The following TCF12 variants were observed in gnomAD, a reference collection of about 807,000 sequenced individuals.
The protein encoded by TCF12 is transcription factor 12.
In TCF12, 45 loss-of-function variants were observed where a neutral mutation model predicts 86.0. The observed-to-expected ratio is 0.52, with a 90% confidence interval of 0.41 to 0.67. TCF12 has a LOEUF of 0.67. Ranked by LOEUF, TCF12 falls within the 30% of genes least tolerant of loss-of-function variation. TCF12 has a pLI of 0.00. For missense variants in TCF12, 881 were observed against 859.9 expected (o/e 1.02, Z -0.31); for synonymous variants, 330 against 299.6 (o/e 1.10, Z -1.05).
chr15:57,284,473 G>T (rs2061846807), intron 20 of TCF12, among the ~76,000 whole-genome samples: 1 of 152,198 alleles, frequency 6.6e-6, no homozygotes, highest in South Asian at 2.1e-4. Flanking sequence ...GCTTCCCCAA[G>T]TGCTGGCGTT....
intron 3 of TCF12, among the ~76,000 whole-genome samples, chr15:57,006,360 A>G (rs1167813916): frequency 6.6e-6 from 1 of 151,954 alleles, no homozygotes. Context: ...GCTGGAGTCC[A>G]GTGGTGCTAT....
chr15:57,060,568 C>G (rs543220566), intron 3 of TCF12, among the ~76,000 whole-genome samples: 2 of 152,330 alleles, frequency 1.3e-5, no homozygotes, highest in Non-Finnish European at 2.9e-5. Context: ...TCTCTTACAT[C>G]TGCCATTTTG....
upstream of TCF12, chr15:56,918,211 G>C (rs1467633891): frequency 2.2e-6 from 1 of 456,298 alleles, no homozygotes; most frequent in Non-Finnish European, 4.4e-6. Flanking sequence ...ACCTACTCGG[G>C]AATGGCAGCC....
rs2057346997 is a variant in TCF12 at position 57,197,835 on chromosome 15, T to C, written c.579+10T>C. ...TGGTTTGCCTTCTTCTGTAAGTACC[T>C]ATCTTTTTTTAACTTGATGGTAAAC... On this transcript the variant is annotated intron_variant, in intron 8 of 20. Transcript: ENST00000333725. The C allele has an allele frequency of 1.2e-6, 2 of 1,613,176 alleles. No homozygotes were observed. The highest frequency in any genetic ancestry group is 8.5e-7 in the Non-Finnish European group (1 of 1,179,678).
At chr15:57,192,515 A>C (rs2057038087) in intron 7 of TCF12, among the ~76,000 whole-genome samples, 1 of 152,086 alleles carries the variant, frequency 6.6e-6, no homozygotes, top group African/African-American at 2.4e-5. Context: ...CAGCCTCGCA[A>C]GTAGCTGAGA....
intron 3 of TCF12, among the ~76,000 whole-genome samples, chr15:56,988,281 A>G (rs1004217422): frequency 4.6e-5 from 7 of 152,200 alleles, no homozygotes; most frequent in African/African-American, 1.7e-4. Context: ...CCTAGGGGGT[A>G]TATAGCCTAC....
chr15:57,023,719 ATC>A (rs1392860004), intron 3 of TCF12, among the ~76,000 whole-genome samples: 3 of 152,182 alleles, frequency 2.0e-5, no homozygotes, highest in Admixed American at 2.0e-4. Flanking sequence ...GAAAAAACAA[ATC>A]TGTGTGATTC....
At chr15:57,203,400 T>G (rs938190361) in intron 8 of TCF12, among the ~76,000 whole-genome samples, 3 of 152,224 alleles carry the variant, frequency 2.0e-5, no homozygotes, top group African/African-American at 7.2e-5. Flanking sequence ...TCATTTTCTT[T>G]TATGTGCTGC....
chr15:56,948,285 G>A (rs1269234002), intron 3 of TCF12, among the ~76,000 whole-genome samples: 1 of 151,504 alleles, frequency 6.6e-6, no homozygotes, highest in Non-Finnish European at 1.5e-5. Context: ...AAATGATGGT[G>A]CAGTGTACAA....
intron 3 of TCF12, among the ~76,000 whole-genome samples, chr15:56,986,162 C>A (rs1355308079): frequency 6.6e-6 from 1 of 152,100 alleles, no homozygotes. Context: ...AGCATGAGAA[C>A]AGGATCATAA....
At chr15:57,091,732 C>A in intron 4 of TCF12, 57 bp from the exon 5 acceptor site, 1 of 1,295,670 alleles carries the variant, frequency 7.7e-7, no homozygotes, top group Non-Finnish European at 1.1e-6. Flanking sequence ...TCATTATGCT[C>A]AATTAGCGGG....
chr15:56,958,201 G>A (rs999278590), intron 3 of TCF12, among the ~76,000 whole-genome samples: 2 of 152,100 alleles, frequency 1.3e-5, no homozygotes, highest in African/African-American at 4.8e-5. Context: ...CCGTAGTCAC[G>A]TTCTGATCTC....
chr15:57,248,541 G>C (rs2059965642), intron 13 of TCF12, among the ~76,000 whole-genome samples: 1 of 152,200 alleles, frequency 6.6e-6, no homozygotes, highest in Non-Finnish European at 1.5e-5. Context: ...GTACTCAGTA[G>C]TAATCTTCAG....
At chr15:56,946,827 G>C (rs2061022551) in intron 3 of TCF12, among the ~76,000 whole-genome samples, 1 of 128,956 alleles carries the variant, frequency 7.8e-6, no homozygotes, top group African/African-American at 2.8e-5. Flanking sequence ...TTGAGACAGA[G>C]TCTTGCTCTG....
At chr15:57,072,726 C>G in intron 4 of TCF12, 1 of 1,295,792 alleles carries the variant, frequency 7.7e-7, no homozygotes, top group East Asian at 4.6e-5. Flanking sequence ...TAAGTGTTTT[C>G]TATATATTGC....
At chr15:57,004,330 C>A (rs1019991419) in intron 3 of TCF12, among the ~76,000 whole-genome samples, 6 of 151,668 alleles carry the variant, frequency 4.0e-5, no homozygotes, top group African/African-American at 1.5e-4. Context: ...ACAGTTCAAG[C>A]GAGTTCAAGT....
chr15:57,048,712 CTGTT>C (rs771228136), intron 3 of TCF12, among the ~76,000 whole-genome samples: 4 of 151,882 alleles, frequency 2.6e-5, no homozygotes, highest in Admixed American at 6.6e-5. Context: ...TAATTTGCTG[CTGTT>C]TGTTTGATTT....
chr15:57,038,660 GA>G (rs1290305058), intron 3 of TCF12, among the ~76,000 whole-genome samples: 1 of 149,716 alleles, frequency 6.7e-6, no homozygotes. Context: ...CTTGTAAGGT[GA>G]AAAAAAAAGA....
chr15:57,038,491 GA>G (rs1239909766), intron 3 of TCF12, among the ~76,000 whole-genome samples: 1 of 151,574 alleles, frequency 6.6e-6, no homozygotes, highest in African/African-American at 2.4e-5. Context: ...GGAAAGAAAA[GA>G]AAAAAATATC....
Sources: allele counts gnomAD v4.1 joint callset (sites outside exome capture counted in the v4.1 genomes callset), GRCh38; gene constraint gnomAD v4.1.1; transcripts MANE v1.5; gene names NCBI Gene and HGNC (gene_info 2026-07-23, HGNC 2026-07-21).